Variants in EVL observed in about 807,000 individuals in gnomAD.
The protein encoded by EVL is ena/VASP-like protein.
In EVL, 21 loss-of-function variants were observed where a neutral mutation model predicts 59.6. The ratio of observed to expected loss-of-function variants is 0.35; its 90% CI spans 0.25 to 0.51. EVL has a LOEUF of 0.51. EVL is among the 20% of genes least tolerant of loss of function. EVL has a pLI of 0.97. For synonymous variants in EVL, 198 were observed against 203.5 expected, an observed-to-expected ratio of 0.97 and a Z score of 0.23; for missense variants, 462 against 546.6, an observed-to-expected ratio of 0.85 and a Z score of 1.54.
chr14:99,988,990 T>C (rs1043924628), intron 1 of EVL, among the ~76,000 whole-genome samples: 2 of 152,216 alleles, frequency 1.3e-5, no homozygotes, highest in African/African-American at 2.4e-5. Context: ...AATCCCAGTA[T>C]CGCAAGATTG....
Position 100,141,790 on chromosome 14 carries a change from G to A in EVL, c.1216G>A (p.Asp406Asn), listed in dbSNP as rs762768790. ...CCACAAGGTGAAGGAGGAGATCATC[G>A]ACGGTGAGTGCAGCCCCACCGGGGA... ...ELHKVKEEII[D>N]AIRQELSGIS... Residue 406 changes from aspartate to asparagine, a missense_variant, in exon 13 of 14, where the codon GAC becomes AAC. Physicochemically the swap from Asp to Asn is conservative, Grantham distance 23 (BLOSUM62 1). Transcript: ENST00000392920. 8.7e-6 allele frequency: 14 copies of A among 1,613,102 alleles called. No homozygotes were observed. The highest frequency in any genetic ancestry group is 1.7e-4 in the Middle Eastern group (1 of 5,978).
At chr14:100,061,166 G>A (rs966413850), upstream of EVL, among the ~76,000 whole-genome samples, 15 of 152,060 alleles carry the variant, frequency 9.9e-5, no homozygotes, top group African/African-American at 2.9e-4. Context: ...TGAGGTGGAC[G>A]GATCCCTTGA....
upstream of EVL, among the ~76,000 whole-genome samples, chr14:100,062,571 A>C (rs958669716): frequency 1.3e-5 from 2 of 152,218 alleles, no homozygotes; most frequent in African/African-American, 4.8e-5. Context: ...ACAAATAGCA[A>C]AGTAGTAGAC....
chr14:100,137,930 T>C (rs1482796570), intron 11 of EVL, 128 bp downstream of exon 11: 2 of 941,630 alleles, frequency 2.1e-6, no homozygotes, highest in Non-Finnish European at 3.3e-6. Flanking sequence ...GCGAAGGTGG[T>C]CTGTTCTTTC....
upstream of EVL, among the ~76,000 whole-genome samples, chr14:100,060,859 T>A (rs2061815283): frequency 6.6e-6 from 1 of 150,906 alleles, no homozygotes; most frequent in African/African-American, 2.4e-5. Flanking sequence ...ATATTAAAAA[T>A]GACCAAAGGA....
At chr14:100,117,398 C>A (rs1595210994) in intron 3 of EVL, among the ~76,000 whole-genome samples, 1 of 152,382 alleles carries the variant, frequency 6.6e-6, no homozygotes, top group Non-Finnish European at 1.5e-5. Flanking sequence ...CTCACACTCG[C>A]ACCAGGGCTG....
At chr14:100,041,568 G>A (rs914847803) in intron 1 of EVL, among the ~76,000 whole-genome samples, 2 of 152,190 alleles carry the variant, frequency 1.3e-5, no homozygotes, top group African/African-American at 4.8e-5. Context: ...GGAAATGATT[G>A]TAATAAATGT....
chr14:100,138,444 G>A (rs1888948251), intron 11 of EVL: 1 of 153,432 alleles, frequency 6.5e-6, no homozygotes, highest in South Asian at 2.0e-4. Context: ...CATAGTATCT[G>A]GAGGTACATG....
intron 2 of EVL, among the ~76,000 whole-genome samples, chr14:100,095,680 C>T (rs563388059): frequency 8.5e-5 from 13 of 152,252 alleles, no homozygotes; most frequent in African/African-American, 3.1e-4. Context: ...AAATATGTGC[C>T]TGTCAATATG....
At position 100,006,399 on chromosome 14, in the gene EVL, G is replaced by A. The variant is rs530335369; in HGVS notation, c.5+34342G>A. 4.0e-5 allele frequency among the ~76,000 whole-genome samples: 6 copies of A among 150,990 alleles called. 1 individual carries two copies. Among genetic ancestry groups the A allele is most frequent in the Middle Eastern group, 6.8e-3 (2 of 292 alleles). On this transcript the variant is annotated intron_variant, in intron 1 of 13. Coordinates refer to the EVL transcript ENST00000402714. ...TCCCGTGTTCAAGCAATTCTCCTGCGTCAGCTTCCCAAGTAGCGGGGATTA... is the reference window on the plus strand; with the variant it reads ...TCCCGTGTTCAAGCAATTCTCCTGCATCAGCTTCCCAAGTAGCGGGGATTA...
In EVL at chr14:100,031,921, C is replaced by T. The variant is rs1161155944; in HGVS notation, c.6-52766C>T. On this transcript the variant is annotated intron_variant, in intron 1 of 13. Transcript: ENST00000402714. The stretch of plus-strand genomic sequence containing the variant: ...TGCACAGACTGCATACCAGAGACAC[C>T]AAGGAAGAGAACCAGGAGCAAGGAA... 2.6e-5 allele frequency among the ~76,000 whole-genome samples: 4 copies of T among 152,324 alleles called. 1 individual carries two copies. Among genetic ancestry groups the T allele is most frequent in the Middle Eastern group, 3.4e-3 (1 of 294 alleles).
chr14:100,038,183 T>C (rs1170551415), intron 1 of EVL, among the ~76,000 whole-genome samples: 6 of 152,176 alleles, frequency 3.9e-5, no homozygotes, highest in African/African-American at 1.4e-4. Flanking sequence ...TCTGTAGATT[T>C]AATAAAGCAC....
At chr14:100,088,326 T>G (rs931775455) in intron 2 of EVL, among the ~76,000 whole-genome samples, 1 of 152,176 alleles carries the variant, frequency 6.6e-6, no homozygotes, top group African/African-American at 2.4e-5. Flanking sequence ...TGTAGAGGAC[T>G]CTTGACTCTT....
chr14:100,137,192 G>A (rs886517397), intron 9 of EVL: 2 of 268,822 alleles, frequency 7.4e-6, no homozygotes, highest in Middle Eastern at 1.2e-3. Context: ...AGACTAAGGA[G>A]CCCCTCAGTA....
At chr14:100,111,681 C>T (rs1256008815) in intron 3 of EVL, among the ~76,000 whole-genome samples, 1 of 152,142 alleles carries the variant, frequency 6.6e-6, no homozygotes, top group East Asian at 1.9e-4. Context: ...ATACTCCTTA[C>T]AGAAAGGAAC....
intron 1 of EVL, among the ~76,000 whole-genome samples, chr14:99,987,288 T>C (rs550880121): frequency 6.6e-6 from 1 of 152,294 alleles, no homozygotes; most frequent in African/African-American, 2.4e-5. Context: ...AGGTGGGGCC[T>C]TTGGAATATG....
chr14:100,111,116 G>A (rs1174358917), intron 3 of EVL, among the ~76,000 whole-genome samples: 3 of 149,200 alleles, frequency 2.0e-5, no homozygotes, highest in Admixed American at 1.3e-4. Flanking sequence ...CCTTGAGCAA[G>A]CCATTTCACC....
chr14:100,072,563 TTTC>T (rs2062071305), intron 1 of EVL, among the ~76,000 whole-genome samples: 1 of 152,234 alleles, frequency 6.6e-6, no homozygotes, highest in African/African-American at 2.4e-5. Flanking sequence ...AAGTGTTGAT[TTTC>T]TTTGTTGTAA....
chr14:100,074,110 G>A (rs1210291342), intron 1 of EVL, among the ~76,000 whole-genome samples: 5 of 152,178 alleles, frequency 3.3e-5, no homozygotes, highest in Admixed American at 3.3e-4. Flanking sequence ...CAGGGCTCAG[G>A]AGCGGGCCCT....
Sources: allele counts gnomAD v4.1 joint callset (sites outside exome capture counted in the v4.1 genomes callset), GRCh38; gene constraint gnomAD v4.1.1; transcripts MANE v1.5; gene names NCBI Gene and HGNC (gene_info 2026-07-23, HGNC 2026-07-21).